The following ZNF385D variants were observed in gnomAD, a reference collection of about 807,000 sequenced individuals.
The protein encoded by ZNF385D is zinc finger protein 659.
In ZNF385D, 15 loss-of-function variants were observed where a neutral mutation model predicts 35.8. The ratio of observed to expected loss-of-function variants is 0.42; its 90% CI spans 0.28 to 0.64. ZNF385D has a LOEUF of 0.64. Ranked by LOEUF, ZNF385D falls within the 30% of genes least tolerant of loss-of-function variation. ZNF385D has a pLI of 0.23. For synonymous variants in ZNF385D, 212 were observed against 186.8 expected, an observed-to-expected ratio of 1.13 and a Z score of -1.10; for missense variants, 474 against 494.6, an observed-to-expected ratio of 0.96 and a Z score of 0.39.
intron 2 of ZNF385D, among the ~76,000 whole-genome samples, chr3:22,312,923 A>T (rs1373627867): frequency 2.2e-5 from 3 of 135,178 alleles, no homozygotes; most frequent in Non-Finnish European, 3.1e-5. Flanking sequence ...AAGGACTATA[A>T]ATCATGCTGC....
At chr3:22,305,345 T>G (rs556071759) in intron 2 of ZNF385D, among the ~76,000 whole-genome samples, 44 of 152,348 alleles carry the variant, frequency 2.9e-4, no homozygotes, top group African/African-American at 9.1e-4. Context: ...TTAAATTCAC[T>G]CATCCTTGCA....
intron 2 of ZNF385D, among the ~76,000 whole-genome samples, chr3:22,278,757 A>G (rs1405807732): frequency 6.6e-6 from 1 of 152,096 alleles, no homozygotes; most frequent in Non-Finnish European, 1.5e-5. Flanking sequence ...TTTTACTTAA[A>G]AAGATGCAAT....
At chr3:21,753,997 T>C (rs2070227427), upstream of ZNF385D, among the ~76,000 whole-genome samples, 1 of 152,206 alleles carries the variant, frequency 6.6e-6, no homozygotes. Context: ...GGTTTATCCA[T>C]ATTGTCACAA....
intron 3 of ZNF385D, among the ~76,000 whole-genome samples, chr3:21,995,401 C>T (rs769343168): frequency 6.6e-6 from 1 of 152,118 alleles, no homozygotes; most frequent in African/African-American, 2.4e-5. Context: ...GCACAGGCTA[C>T]AGTGAGTGAG....
At chr3:21,575,099 ATTTTC>A (rs1158867738) in intron 2 of ZNF385D, among the ~76,000 whole-genome samples, 3 of 152,162 alleles carry the variant, frequency 2.0e-5, no homozygotes, top group Non-Finnish European at 4.4e-5. Context: ...ATTTATCATT[ATTTTC>A]TTTTGAGTTC....
chr3:22,269,280 A>G (rs1286112876), intron 2 of ZNF385D, among the ~76,000 whole-genome samples: 1 of 151,964 alleles, frequency 6.6e-6, no homozygotes, highest in Non-Finnish European at 1.5e-5. Context: ...TCTAACAACT[A>G]TCAGAGGCAT....
chr3:22,199,168 T>C (rs1696618597), intron 2 of ZNF385D, among the ~76,000 whole-genome samples: 1 of 152,114 alleles, frequency 6.6e-6, no homozygotes, highest in Non-Finnish European at 1.5e-5. Flanking sequence ...ACATTGTTTT[T>C]GCCATTTTAA....
At chr3:21,888,129 AATT>A in intron 3 of ZNF385D, among the ~76,000 whole-genome samples, 1 of 152,090 alleles carries the variant, frequency 6.6e-6, no homozygotes, top group East Asian at 1.9e-4. Context: ...AATTCTAGTT[AATT>A]ATTCCTCAAT....
Position 21,770,146 on chromosome 3 carries a change from C to A in ZNF385D, c.326-105118G>T, listed in dbSNP as rs575758938. On this transcript the variant is annotated intron_variant, in intron 3 of 5. Coordinates refer to the ZNF385D transcript ENST00000494108. ...AACCATACAAACCCTAGAAGAAAAC[C>A]TAGGCAATATCATTCAGGACATAGG... is the stretch of plus-strand genomic sequence containing the variant. 5.9e-5 allele frequency among the ~76,000 whole-genome samples: 9 copies of A among 152,172 alleles called. No homozygotes were observed. The East Asian group carries it at 1.5e-3, about 26-fold the overall frequency.
chr3:22,177,570 AGACT>A (rs1221476070), intron 2 of ZNF385D, among the ~76,000 whole-genome samples: 5 of 152,118 alleles, frequency 3.3e-5, no homozygotes, highest in East Asian at 1.9e-4. Context: ...AATGTAGGCT[AGACT>A]GACTATGACT....
rs111910324 is a variant in ZNF385D, at chr3:21,623,408, C to T, written c.165+41478G>A. 4.2e-3 allele frequency among the ~76,000 whole-genome samples: 643 copies of T among 151,972 alleles called. 5 individuals are homozygous for T. Among genetic ancestry groups the T allele is most frequent in the African/African-American group, 0.015 (613 of 41,468 alleles). ...CTTTAATCCTAGTGCTTTGGGAGGC[C>T]GAGGTGGAAGCATCTCTTGAGCCCT... On this transcript the variant is annotated intron_variant, in intron 2 of 7. Coordinates refer to ENST00000281523, the MANE Select transcript of ZNF385D (RefSeq NM_024697.3).
chr3:21,653,990 A>T (rs2065998286), intron 2 of ZNF385D, among the ~76,000 whole-genome samples: 1 of 152,038 alleles, frequency 6.6e-6, no homozygotes, highest in African/African-American at 2.4e-5. Context: ...GAACATAAAG[A>T]TGTTTTGATA....
chr3:22,038,994 C>T (rs1286796176), intron 3 of ZNF385D, among the ~76,000 whole-genome samples: 1 of 150,920 alleles, frequency 6.6e-6, no homozygotes, highest in Non-Finnish European at 1.5e-5. Context: ...ATAATTTTAT[C>T]TTTCATTTTA....
At chr3:21,814,467 C>T (rs2125715415) in intron 3 of ZNF385D, among the ~76,000 whole-genome samples, 1 of 151,792 alleles carries the variant, frequency 6.6e-6, no homozygotes, top group Non-Finnish European at 1.5e-5. Flanking sequence ...CAGATAGGCT[C>T]AAAATAAAGG....
chr3:22,372,294 A>G (rs1359734880), intron 2 of ZNF385D, among the ~76,000 whole-genome samples: 1 of 152,064 alleles, frequency 6.6e-6, no homozygotes, highest in Non-Finnish European at 1.5e-5. Context: ...AGGTGGTCCA[A>G]GGTCTGGGCG....
intron 3 of ZNF385D, among the ~76,000 whole-genome samples, chr3:21,849,040 G>A (rs376391187): frequency 1.3e-5 from 2 of 151,958 alleles, no homozygotes; most frequent in Non-Finnish European, 2.9e-5. Flanking sequence ...CTTCTACGTG[G>A]TCACTCTCAC....
At chr3:21,859,082 G>A (rs1424665292) in intron 3 of ZNF385D, among the ~76,000 whole-genome samples, 2 of 152,074 alleles carry the variant, frequency 1.3e-5, no homozygotes, top group African/African-American at 4.8e-5. Context: ...TTTCATATCT[G>A]AGGTTTGAGG....
At position 21,413,822 on chromosome 3, in the gene ZNF385D, C is replaced by T. The variant is rs1489029770; in HGVS notation, c.*7392G>A. The T allele has an allele frequency of 6.6e-6, 1 of 152,066 alleles. No homozygotes were observed. Among genetic ancestry groups the T allele is most frequent in the East Asian group, 1.9e-4 (1 of 5,194 alleles). 9.4% of individuals were successfully genotyped at this position (152,066 alleles called of 1,614,324 possible). On this transcript the variant is annotated 3_prime_UTR_variant, in exon 8 of 8. Coordinates refer to ENST00000281523, the MANE Select transcript of ZNF385D (RefSeq NM_024697.3). ...GAACACTGCCTTCAATTTATAGTCACTAAATGCATGTGGATTAAAATATTT... is the reference window on the plus strand; with the variant it reads ...GAACACTGCCTTCAATTTATAGTCATTAAATGCATGTGGATTAAAATATTT...
In ZNF385D at chr3:21,424,018, G is replaced by A. The variant is rs150651071; in HGVS notation, c.899C>T (p.Pro300Leu). 3.8e-3 allele frequency: 6,116 copies of A among 1,603,524 alleles called. 35 individuals are homozygous for A. Among genetic ancestry groups the A allele is most frequent in the Non-Finnish European group, 3.4e-3 (3,959 of 1,176,634 alleles). The change falls in exon 7 of 8, where the codon CCG becomes CTG. Residue 300 changes from proline to leucine, a missense_variant. By Grantham distance (98) the Pro-to-Leu change is moderately conservative. Coordinates refer to ENST00000281523, the MANE Select transcript of ZNF385D (RefSeq NM_024697.3). Reference sequence around the variant, plus strand: ...GTTGTAAGGACTGTATTTAGGTTTCGGGGGCTTCCCAGCAGCTCTGTCTTT... The same window carrying A: ...GTTGTAAGGACTGTATTTAGGTTTCAGGGGCTTCCCAGCAGCTCTGTCTTT... ...RHKDRAAGKP[P>L]KPKYSPYNKL... is the part of the protein sequence containing the mutation.
Sources: allele counts gnomAD v4.1 joint callset (sites outside exome capture counted in the v4.1 genomes callset), GRCh38; gene constraint gnomAD v4.1.1; transcripts MANE v1.5; gene names NCBI Gene and HGNC (gene_info 2026-07-23, HGNC 2026-07-21).